The following MYO16 variants were observed in gnomAD, a reference collection of about 807,000 sequenced individuals.
The protein encoded by MYO16 is myosin XVI.
A neutral mutation model predicts 205.3 loss-of-function variants in MYO16; 94 were observed. The ratio of observed to expected loss-of-function variants is 0.46; its 90% CI spans 0.39 to 0.54. The LOEUF is 0.54. Among genes scored for constraint, MYO16 ranks in the 20% least tolerant of loss-of-function variants. MYO16 has a pLI of 0.00. For synonymous variants in MYO16, 988 were observed against 954.0 expected, an observed-to-expected ratio of 1.04 and a Z score of -0.66; for missense variants, 2,315 against 2,387.5, an observed-to-expected ratio of 0.97 and a Z score of 0.63.
At chr13:108,722,708 A>C (rs1299151818) in intron 3 of MYO16, among the ~76,000 whole-genome samples, 1 of 152,214 alleles carries the variant, frequency 6.6e-6, no homozygotes, top group Non-Finnish European at 1.5e-5. Context: ...AATTACTTGC[A>C]TATGAATTTC....
At chr13:108,577,668 C>G in the MYO16 span, among the ~76,000 whole-genome samples, 1 of 152,198 alleles carries the variant, frequency 6.6e-6, no homozygotes, top group Non-Finnish European at 1.5e-5. Context: ...TTCTCTCCAT[C>G]ACTTGGTATT....
chr13:109,064,856 G>T (rs1887695826), intron 27 of MYO16, among the ~76,000 whole-genome samples: 1 of 152,154 alleles, frequency 6.6e-6, no homozygotes, highest in Admixed American at 6.5e-5. Flanking sequence ...CATAACAAAG[G>T]GTTGGAAATG....
chr13:108,622,696 G>A lies in MYO16; in HGVS notation c.-39+26457G>A, dbSNP rs550530727. Reference sequence around the variant, plus strand: ...AAGAGAGGGATGGTGGGGGATGGACGAGAGGAAGAGGAGGTAAGAGGAGAG... The same window carrying A: ...AAGAGAGGGATGGTGGGGGATGGACAAGAGGAAGAGGAGGTAAGAGGAGAG... On this transcript the variant is annotated intron_variant, in intron 1 of 24. Transcript: ENST00000251041. 3.4e-4 allele frequency among the ~76,000 whole-genome samples: 51 copies of A among 152,006 alleles called. No homozygotes were observed. In the South Asian group the frequency reaches 4.8e-3, roughly 14 times the overall value.
intron 7 of MYO16, among the ~76,000 whole-genome samples, chr13:108,819,285 A>G (rs1875827631): frequency 6.6e-6 from 1 of 152,212 alleles, no homozygotes; most frequent in Admixed American, 6.6e-5. Flanking sequence ...CAGCCAAAAG[A>G]ATGAGCCTTG....
rs755681032 is a variant in MYO16, at chr13:108,665,879, C to A, written c.29-7C>A. 6.2e-7 allele frequency: 1 copy of A among 1,611,814 alleles called. No individual in the cohort carries two copies. The highest frequency in any genetic ancestry group is 2.2e-5 in the East Asian group (1 of 44,766). ...GTCTGGTGACGCTCCCCTTGCATTT[C>A]TTCCAGGTTGCTTTCAGCTATGTAA... On this transcript the variant is annotated splice_polypyrimidine_tract_variant and splice_region_variant and intron_variant, in intron 1 of 34. Coordinates refer to ENST00000457511, the MANE Select transcript of MYO16 (RefSeq NM_001198950.3).
chr13:109,184,245 A>G (rs909410876), intron 34 of MYO16, among the ~76,000 whole-genome samples: 10 of 152,192 alleles, frequency 6.6e-5, no homozygotes, highest in African/African-American at 2.4e-4. Context: ...TCTAGCACAC[A>G]AAGCTCTTTC....
At chr13:109,090,151 A>G (rs1449363358) in intron 27 of MYO16, among the ~76,000 whole-genome samples, 2 of 152,222 alleles carry the variant, frequency 1.3e-5, no homozygotes, top group Non-Finnish European at 2.9e-5. Context: ...CCCTAGAAGC[A>G]GTAGCCCTGG....
chr13:109,125,019 T>G lies in MYO16; in HGVS notation c.3536-93T>G. ...GGTTAAATGTACCTTATTCTACAAC[T>G]GCTCAGAGATAAGTATATTATGATT... On this transcript the variant is annotated intron_variant, in intron 29 of 34. Coordinates refer to ENST00000457511, the MANE Select transcript of MYO16 (RefSeq NM_001198950.3). This position sits in a 1 kb window ranked among gnomAD's most constrained non-coding sequence, Gnocchi z 4.0. The G allele has an allele frequency of 7.4e-7, 1 of 1,342,552 alleles. No homozygotes were observed. The highest frequency in any genetic ancestry group is 1.0e-6 in the Non-Finnish European group (1 of 971,614). The allele number at this position is 1,342,552 out of a possible 1,614,324, so 83.2% of individuals were successfully genotyped here. A position where few individuals can be genotyped will look rare whatever the true frequency, so the allele number is the denominator to read the frequency against.
At chr13:108,767,152 G>A (rs1594277972) in intron 4 of MYO16, among the ~76,000 whole-genome samples, 1 of 152,070 alleles carries the variant, frequency 6.6e-6, no homozygotes, top group Admixed American at 6.6e-5. Context: ...GCCCAGGCTG[G>A]AGTGCAGTGG....
intron 1 of MYO16, among the ~76,000 whole-genome samples, chr13:108,618,274 A>G (rs962272594): frequency 5.9e-5 from 9 of 152,168 alleles, no homozygotes; most frequent in African/African-American, 2.2e-4. Flanking sequence ...TTGAGTAACT[A>G]CAGACTCTCT....
intron 28 of MYO16, among the ~76,000 whole-genome samples, chr13:109,105,370 G>T (rs1889094276): frequency 6.6e-6 from 1 of 152,298 alleles, no homozygotes; most frequent in Middle Eastern, 3.4e-3. Context: ...TACTTGGTAG[G>T]CTGAGGCAGG....
the MYO16 span, among the ~76,000 whole-genome samples, chr13:108,543,447 A>G: frequency 2.0e-5 from 3 of 151,912 alleles, no homozygotes; most frequent in Non-Finnish European, 4.4e-5. Context: ...GATCGAGACC[A>G]TCCTGGCTAA....
chr13:108,564,032 C>T, the MYO16 span, among the ~76,000 whole-genome samples: 1 of 152,130 alleles, frequency 6.6e-6, no homozygotes, highest in Admixed American at 6.6e-5. Context: ...GGATGAAAGC[C>T]ATTTTAACTG....
At chr13:108,601,328 A>G (rs1878755126) in intron 1 of MYO16, among the ~76,000 whole-genome samples, 1 of 152,164 alleles carries the variant, frequency 6.6e-6, no homozygotes, top group African/African-American at 2.4e-5. Flanking sequence ...CCACCAGCAG[A>G]GTAATTATTT....
At chr13:108,918,457 A>T (rs1162074704) in intron 16 of MYO16, among the ~76,000 whole-genome samples, 1 of 152,158 alleles carries the variant, frequency 6.6e-6, no homozygotes, top group African/African-American at 2.4e-5. Context: ...TATTGTCCCT[A>T]TTTGATGAAT....
At chr13:108,670,712 T>A (rs13378327) in intron 2 of MYO16, among the ~76,000 whole-genome samples, 211 of 152,364 alleles carry the variant, frequency 1.4e-3, no homozygotes, top group African/African-American at 4.4e-3. Flanking sequence ...TCACTGCTCC[T>A]TTGTCCTTAT....
chr13:109,082,971 A>G lies in MYO16; in HGVS notation c.3336-17814A>G, dbSNP rs187897955. Among the ~76,000 whole-genome samples, 157 of 152,332 alleles carry G rather than the reference A, an allele frequency of 1.0e-3. 2 individuals carry two copies. In the Middle Eastern group the frequency reaches 0.024, roughly 23 times the overall value. On this transcript the variant is annotated intron_variant, in intron 27 of 34. Coordinates refer to ENST00000457511, the MANE Select transcript of MYO16 (RefSeq NM_001198950.3). ...ATAAGACAATTCTGGCAGAAGATAT[A>G]TATTTGAATATCACCAGAATATGGC...
intron 4 of MYO16, among the ~76,000 whole-genome samples, chr13:108,760,781 G>C (rs577885583): frequency 7.2e-5 from 11 of 152,122 alleles, no homozygotes; most frequent in Non-Finnish European, 1.3e-4. Context: ...AGAACTGTTT[G>C]TTTGTACCTG....
intron 1 of MYO16, among the ~76,000 whole-genome samples, chr13:108,645,666 A>C (rs1480648050): frequency 2.6e-5 from 4 of 152,230 alleles, no homozygotes; most frequent in Non-Finnish European, 4.4e-5. Context: ...GAGTTGCAGA[A>C]GATGATGGAT....
Sources: gnomAD v4.1 joint callset for allele counts (sites outside exome capture counted in the v4.1 genomes callset) on GRCh38, gnomAD v4.1.1 for gene constraint, Gnocchi (gnomAD v3.1) non-coding constraint, MANE v1.5 for transcripts, NCBI Gene and HGNC (gene_info 2026-07-23, HGNC 2026-07-21) for gene names.